The following CEP112 variants were observed in gnomAD, a reference collection of about 807,000 sequenced individuals.
CEP112 encodes centrosomal protein of 112 kDa.
A neutral mutation model predicts 153.0 loss-of-function variants in CEP112; 127 were observed. That is an observed-to-expected ratio of 0.83 (90% CI 0.72 to 0.96). The LOEUF (loss-of-function observed/expected upper bound fraction) is 0.96. Ranked by LOEUF, CEP112 falls within the 40% of genes least tolerant of loss-of-function variation. The pLI is 0.00. For missense variants in CEP112, 1,089 were observed against 1,101.2 expected (o/e 0.99, Z 0.16); for synonymous variants, 358 against 374.4 (o/e 0.96, Z 0.51).
At chr17:65,997,877 G>A (rs2063851295) in intron 17 of CEP112, among the ~76,000 whole-genome samples, 1 of 151,570 alleles carries the variant, frequency 6.6e-6, no homozygotes, top group Non-Finnish European at 1.5e-5. Context: ...TAACCAGGAA[G>A]CAACATATTG....
chr17:65,880,603 T>A (rs775605224), intron 20 of CEP112, among the ~76,000 whole-genome samples: 29 of 152,192 alleles, frequency 1.9e-4, no homozygotes, highest in Non-Finnish European at 3.7e-4. Context: ...CTAAAGAAGG[T>A]AGCATTGTCT....
At chr17:65,704,420 TACACACAC>T (rs3074178) in intron 23 of CEP112, among the ~76,000 whole-genome samples, 159 of 147,788 alleles carry the variant, frequency 1.1e-3, no homozygotes, top group Middle Eastern at 3.5e-3. Flanking sequence ...ACGTGTAAAA[TACACACAC>T]ACACACACAC....
intron 6 of CEP112, among the ~76,000 whole-genome samples, chr17:66,112,373 A>G (rs1456124524): frequency 2.6e-5 from 4 of 152,122 alleles, no homozygotes; most frequent in Non-Finnish European, 5.9e-5. Context: ...CTTGGGGCAC[A>G]TTTCACTGAT....
intron 12 of CEP112, among the ~76,000 whole-genome samples, chr17:66,040,585 C>T (rs1372091166): frequency 6.6e-6 from 1 of 151,012 alleles, no homozygotes; most frequent in Non-Finnish European, 1.5e-5. Flanking sequence ...CAGGCTCCAC[C>T]TACTGGTTCA....
chr17:66,158,122 G>A (rs1016385362), intron 4 of CEP112, among the ~76,000 whole-genome samples: 4 of 152,166 alleles, frequency 2.6e-5, no homozygotes, highest in Middle Eastern at 3.4e-3. Flanking sequence ...TTCTAAAATC[G>A]TCCACATAAT....
chr17:65,743,640 C>T (rs778165064), intron 22 of CEP112, among the ~76,000 whole-genome samples: 18 of 152,162 alleles, frequency 1.2e-4, no homozygotes, highest in Non-Finnish European at 2.2e-4. Flanking sequence ...CTTCAGTCAC[C>T]TAATTCTATA....
At chr17:65,687,747 T>G (rs1252288468) in intron 24 of CEP112, among the ~76,000 whole-genome samples, 1 of 152,204 alleles carries the variant, frequency 6.6e-6, no homozygotes, top group East Asian at 1.9e-4. Flanking sequence ...GGGATCCTGT[T>G]TGTAAACATC....
intron 4 of CEP112, among the ~76,000 whole-genome samples, chr17:66,161,420 T>C (rs910249336): frequency 6.6e-6 from 1 of 152,084 alleles, no homozygotes; most frequent in African/African-American, 2.4e-5. Context: ...TAGCAAAGAA[T>C]TGGAACCAAC....
At chr17:65,953,850 ACCTAGT>A (rs2061918599) in intron 18 of CEP112, among the ~76,000 whole-genome samples, 3 of 152,014 alleles carry the variant, frequency 2.0e-5, no homozygotes, top group African/African-American at 7.2e-5. Flanking sequence ...TGCTGCCCCC[ACCTAGT>A]GGTCTTTCTC....
At chr17:66,094,972 C>T (rs963714468) in intron 8 of CEP112, among the ~76,000 whole-genome samples, 5 of 151,934 alleles carry the variant, frequency 3.3e-5, no homozygotes, top group African/African-American at 4.8e-5. Context: ...CCTATTAGAA[C>T]GGCTATCAAC....
intron 21 of CEP112, among the ~76,000 whole-genome samples, chr17:65,757,031 T>C (rs576689870): frequency 6.6e-6 from 1 of 152,074 alleles, no homozygotes; most frequent in African/African-American, 2.4e-5. Flanking sequence ...ACAGGATAGG[T>C]GTCATTATAA....
intron 8 of CEP112, among the ~76,000 whole-genome samples, chr17:66,070,778 C>A (rs570210403): frequency 6.6e-6 from 1 of 152,152 alleles, no homozygotes; most frequent in Non-Finnish European, 1.5e-5. Context: ...TGATTCCTCA[C>A]AATTTAAGAG....
intron 12 of CEP112, among the ~76,000 whole-genome samples, chr17:66,043,439 ACT>A (rs2066070009): frequency 6.6e-6 from 1 of 152,122 alleles, no homozygotes; most frequent in Admixed American, 6.6e-5. Flanking sequence ...AACAACTGTA[ACT>A]CAATATAATT....
At chr17:65,913,844 G>C (rs2060374309) in intron 19 of CEP112, 1 of 985,436 alleles carries the variant, frequency 1.0e-6, no homozygotes, top group East Asian at 1.1e-4. Flanking sequence ...GCTGGAAGCA[G>C]GCGCTATCTC....
intron 4 of CEP112, among the ~76,000 whole-genome samples, chr17:66,141,835 A>G (rs1568540830): frequency 6.6e-6 from 1 of 152,236 alleles, no homozygotes; most frequent in South Asian, 2.1e-4. Context: ...ATAATGCTGC[A>G]GTGAACACAG....
chr17:66,168,572 T>C (rs1233723224), intron 4 of CEP112, among the ~76,000 whole-genome samples: 3 of 151,848 alleles, frequency 2.0e-5, no homozygotes, highest in Admixed American at 6.6e-5. Context: ...TTTTTAACCA[T>C]TGCACAAGAT....
At chr17:66,140,163 T>C (rs2070627439) in intron 4 of CEP112, among the ~76,000 whole-genome samples, 1 of 152,056 alleles carries the variant, frequency 6.6e-6, no homozygotes, top group Non-Finnish European at 1.5e-5. Flanking sequence ...ATTAACAGAA[T>C]GAAGAATAGA....
chr17:65,877,403 G>A (rs2058873426), intron 20 of CEP112, among the ~76,000 whole-genome samples: 1 of 152,120 alleles, frequency 6.6e-6, no homozygotes, highest in South Asian at 2.1e-4. Flanking sequence ...ACAACTCTGT[G>A]TACATTCTAA....
chr17:65,792,770 G>A (rs1187739234), intron 21 of CEP112, among the ~76,000 whole-genome samples: 1 of 151,958 alleles, frequency 6.6e-6, no homozygotes, highest in Non-Finnish European at 1.5e-5. Context: ...AGGAATAGAA[G>A]CTATATACCA....
Sources: gnomAD v4.1 joint callset for allele counts (sites outside exome capture counted in the v4.1 genomes callset) on GRCh38, gnomAD v4.1.1 for gene constraint, MANE v1.5 for transcripts, NCBI Gene and HGNC (gene_info 2026-07-23, HGNC 2026-07-21) for gene names.